TTC28: variants seen among roughly 807,000 people sequenced by gnomAD.
The protein encoded by TTC28 is tetratricopeptide repeat domain 28.
A neutral mutation model predicts 198.0 loss-of-function variants in TTC28; 61 were observed. The ratio of observed to expected loss-of-function variants is 0.31; its 90% CI spans 0.25 to 0.38. The LOEUF is 0.38. TTC28 is among the 10% of genes least tolerant of loss of function. TTC28 has a pLI of 1.00. For missense variants in TTC28, 2,678 were observed against 3,164.0 expected (o/e 0.85, Z 3.69); for synonymous variants, 1,171 against 1,297.8 (o/e 0.90, Z 2.10).
intron 2 of TTC28, among the ~76,000 whole-genome samples, chr22:28,610,182 C>T (rs187438636): frequency 1.6e-3 from 245 of 152,320 alleles, no homozygotes; most frequent in African/African-American, 5.5e-3. Flanking sequence ...TTAAACGTCC[C>T]TGCCTGACAG....
intron 3 of TTC28, among the ~76,000 whole-genome samples, chr22:28,299,623 G>A (rs1456117619): frequency 2.6e-5 from 4 of 152,120 alleles, no homozygotes; most frequent in Admixed American, 2.0e-4. Context: ...TGGTGGTGCC[G>A]TCCGCTGATG....
chr22:28,628,206 T>C (rs900652505), intron 2 of TTC28, among the ~76,000 whole-genome samples: 2 of 152,182 alleles, frequency 1.3e-5, no homozygotes, highest in African/African-American at 2.4e-5. Context: ...CTTCAGCATA[T>C]TATTAATAAG....
At chr22:28,403,174 G>A (rs5752740) in intron 2 of TTC28, among the ~76,000 whole-genome samples, 1 of 152,266 alleles carries the variant, frequency 6.6e-6, no homozygotes, top group East Asian at 1.9e-4. Context: ...GACTTATAGA[G>A]GGAATACAGA....
chr22:28,491,914 G>A (rs948119996), intron 2 of TTC28, among the ~76,000 whole-genome samples: 8 of 152,252 alleles, frequency 5.3e-5, no homozygotes, highest in Non-Finnish European at 7.4e-5. Context: ...TATACACCAC[G>A]GAATATTATG....
chr22:28,072,159 A>C (rs1164031873), intron 12 of TTC28, among the ~76,000 whole-genome samples: 1 of 152,200 alleles, frequency 6.6e-6, no homozygotes, highest in Non-Finnish European at 1.5e-5. Context: ...ATAACTATGA[A>C]ATGCATGTTA....
chr22:28,037,014 G>A (rs1003403963), intron 12 of TTC28, among the ~76,000 whole-genome samples: 1 of 152,142 alleles, frequency 6.6e-6, no homozygotes. Flanking sequence ...CTGAAATTGA[G>A]GCAATAATTA....
At chr22:28,364,665 G>C (rs186150364) in intron 2 of TTC28, among the ~76,000 whole-genome samples, 41 of 152,302 alleles carry the variant, frequency 2.7e-4, no homozygotes, top group Admixed American at 5.2e-4. Context: ...GGATGACTTT[G>C]AGGGGCTCAA....
At chr22:27,994,074 G>A (rs1410387103) in intron 17 of TTC28, among the ~76,000 whole-genome samples, 2 of 152,178 alleles carry the variant, frequency 1.3e-5, no homozygotes, top group Non-Finnish European at 2.9e-5. Flanking sequence ...GCACTTCTAC[G>A]CTGAAGTCAC....
intron 21 of TTC28, among the ~76,000 whole-genome samples, chr22:27,989,613 AT>A (rs1039804927): frequency 6.6e-6 from 1 of 151,906 alleles, no homozygotes; most frequent in Non-Finnish European, 1.5e-5. Context: ...TGCCCGGCTA[AT>A]TTTTTTTAAT....
intron 5 of TTC28, among the ~76,000 whole-genome samples, chr22:28,192,635 C>T (rs866406553): frequency 5.9e-5 from 9 of 152,158 alleles, no homozygotes; most frequent in African/African-American, 2.2e-4. Context: ...ATGAGAACTA[C>T]GTGACACATA....
intron 2 of TTC28, among the ~76,000 whole-genome samples, chr22:28,499,859 A>T (rs928237016): frequency 1.3e-5 from 2 of 152,156 alleles, no homozygotes; most frequent in Admixed American, 1.3e-4. Context: ...TGACATTGCA[A>T]TACATATAAT....
At chr22:28,242,833 T>C (rs1207561594) in intron 5 of TTC28, among the ~76,000 whole-genome samples, 1 of 152,040 alleles carries the variant, frequency 6.6e-6, no homozygotes, top group East Asian at 1.9e-4. Flanking sequence ...AGCAGATTCA[T>C]TTTAGATGAC....
chr22:28,539,669 A>G, intron 2 of TTC28, among the ~76,000 whole-genome samples: 1 of 151,528 alleles, frequency 6.6e-6, no homozygotes. Context: ...ACAGAGAAAG[A>G]GGAGATGGAA....
chr22:28,195,689 G>A (rs1368453032), intron 5 of TTC28, among the ~76,000 whole-genome samples: 1 of 94,012 alleles, frequency 1.1e-5, no homozygotes, highest in Non-Finnish European at 2.1e-5. Context: ...ATTCACAATT[G>A]CTTCAAAGAG....
intron 2 of TTC28, among the ~76,000 whole-genome samples, chr22:28,492,597 T>C (rs546467450): frequency 1.3e-3 from 197 of 152,250 alleles, no homozygotes; most frequent in African/African-American, 4.1e-3. Context: ...TAAGATACCA[T>C]GCAGATTCAA....
rs1202199121 is a variant in TTC28 at position 28,084,308 on chromosome 22, C to T, written c.3932+9772G>A. Among the ~76,000 whole-genome samples, 2 of 152,184 alleles carry T rather than the reference C, an allele frequency of 1.3e-5. 1 individual carries two copies. The highest frequency in any genetic ancestry group is 4.8e-5 in the African/African-American group (2 of 41,436). ...CACATGGCTGGGTACTCCTCTGAGA[C>T]AAAACTTCCAGAGGAATGAACAGGC... On this transcript the variant is annotated intron_variant, in intron 12 of 22. Transcript: ENST00000397906.
At chr22:28,561,760 C>T (rs1344673439) in intron 2 of TTC28, among the ~76,000 whole-genome samples, 1 of 152,178 alleles carries the variant, frequency 6.6e-6, no homozygotes, top group Non-Finnish European at 1.5e-5. Flanking sequence ...TCATACTTAG[C>T]TAACCCTTAC....
intron 12 of TTC28, among the ~76,000 whole-genome samples, chr22:28,092,365 T>C (rs1474055320): frequency 6.6e-6 from 1 of 152,108 alleles, no homozygotes; most frequent in Non-Finnish European, 1.5e-5. Flanking sequence ...TAGTACCTTA[T>C]ACACAGTGAG....
At chr22:28,007,238 T>C (rs1937966245) in intron 14 of TTC28, 1 of 152,024 alleles carries the variant, frequency 6.6e-6, no homozygotes, top group African/African-American at 2.4e-5. Context: ...CTGTTTAAGG[T>C]AGAGGAACCC....
Sources: gnomAD v4.1 joint callset for allele counts (sites outside exome capture counted in the v4.1 genomes callset) on GRCh38, gnomAD v4.1.1 for gene constraint, MANE v1.5 for transcripts, NCBI Gene and HGNC (gene_info 2026-07-23, HGNC 2026-07-21) for gene names.